The following PRICKLE2 variants were observed in gnomAD, a reference collection of about 807,000 sequenced individuals.
PRICKLE2 encodes the protein prickle planar cell polarity protein 2, also known as prickle-like protein 2.
A neutral mutation model predicts 81.4 loss-of-function variants in PRICKLE2; 21 were observed. The observed-to-expected ratio is 0.26, with a 90% CI of 0.18 to 0.37. The LOEUF is 0.37. PRICKLE2 is among the 10% of genes least tolerant of loss of function. The probability of loss-of-function intolerance (pLI) is 1.00; values close to 1 mark genes in which losing one functional copy is unlikely to be tolerated. For synonymous variants in PRICKLE2, 456 were observed against 421.5 expected (o/e 1.08, Z -1.00); for missense variants, 940 against 1,109.0 (o/e 0.85, Z 2.16).
intron 2 of PRICKLE2, among the ~76,000 whole-genome samples, chr3:64,248,652 A>G (rs1423608331): frequency 6.8e-6 from 1 of 147,456 alleles, no homozygotes; most frequent in Non-Finnish European, 1.5e-5. Context: ...AAACAAAACC[A>G]AAACCAAAAA....
chr3:64,168,234 G>A (rs527643522), intron 2 of PRICKLE2, among the ~76,000 whole-genome samples: 4 of 152,218 alleles, frequency 2.6e-5, no homozygotes, highest in South Asian at 2.1e-4. Flanking sequence ...TTTCTTGGCC[G>A]ATTTCAGAAT....
chr3:64,179,290 G>A (rs1440441976), intron 2 of PRICKLE2, among the ~76,000 whole-genome samples: 1 of 151,920 alleles, frequency 6.6e-6, no homozygotes, highest in Non-Finnish European at 1.5e-5. Context: ...TGGTCAGGCT[G>A]GACTCGAACT....
At chr3:64,119,439 A>G (rs2076991800) in intron 7 of PRICKLE2, among the ~76,000 whole-genome samples, 1 of 152,264 alleles carries the variant, frequency 6.6e-6, no homozygotes, top group South Asian at 2.1e-4. Flanking sequence ...ACGAGCTACC[A>G]ACACACATAG....
At chr3:64,250,921 C>T (rs1295800435) in intron 2 of PRICKLE2, among the ~76,000 whole-genome samples, 1 of 152,142 alleles carries the variant, frequency 6.6e-6, no homozygotes, top group Non-Finnish European at 1.5e-5. Flanking sequence ...TCAATGTGGC[C>T]TTTCCTGACA....
chr3:64,163,176 T>C (rs765686509), intron 2 of PRICKLE2, 47 bp from the exon 3 acceptor site: 2 of 1,124,208 alleles, frequency 1.8e-6, no homozygotes, highest in Non-Finnish European at 2.7e-6. Context: ...ACTCAAACCA[T>C]GTGCCTATTC....
chr3:64,184,668 C>T (rs140196288), intron 2 of PRICKLE2, among the ~76,000 whole-genome samples: 273 of 152,154 alleles, frequency 1.8e-3, no homozygotes, highest in African/African-American at 6.3e-3. Flanking sequence ...GATGGAATCT[C>T]GCTATGCTGC....
intron 7 of PRICKLE2, chr3:64,105,917 A>AT (rs1418393007): frequency 6.6e-6 from 1 of 152,200 alleles, no homozygotes; most frequent in East Asian, 1.9e-4. Flanking sequence ...AGCTGTAGTG[A>AT]TGATTAGATG....
intron 7 of PRICKLE2, among the ~76,000 whole-genome samples, chr3:64,141,083 T>C (rs183685469): frequency 9.8e-5 from 15 of 152,324 alleles, no homozygotes; most frequent in Admixed American, 8.5e-4. Context: ...ATCAGATTTA[T>C]CTCACAGCAT....
At chr3:64,194,313 G>A (rs936286490) in intron 2 of PRICKLE2, 2 of 152,230 alleles carry the variant, frequency 1.3e-5, no homozygotes, top group African/African-American at 4.8e-5. Context: ...CTAGAGCATG[G>A]TAGGTGCTCA....
intron 2 of PRICKLE2, among the ~76,000 whole-genome samples, chr3:64,262,736 G>A (rs2079635256): frequency 6.6e-6 from 1 of 152,210 alleles, no homozygotes; most frequent in Admixed American, 6.5e-5. Flanking sequence ...AGGAGGGAAT[G>A]ATCCACTGGG....
chr3:64,109,829 T>C (rs1038284119), intron 7 of PRICKLE2, among the ~76,000 whole-genome samples: 6 of 152,052 alleles, frequency 3.9e-5, no homozygotes, highest in African/African-American at 1.4e-4. Context: ...GGTTGGGGAG[T>C]GACAAGCATT....
intron 7 of PRICKLE2, chr3:64,102,232 T>G (rs966139272): frequency 4.6e-5 from 7 of 152,170 alleles, no homozygotes; most frequent in African/African-American, 9.7e-5. Flanking sequence ...GGAAACTAAA[T>G]GCTATAAAGT....
intron 2 of PRICKLE2, 22 bp from the exon 3 acceptor site, chr3:64,163,151 G>C (rs1304546858): frequency 7.1e-7 from 1 of 1,408,760 alleles, no homozygotes; most frequent in South Asian, 1.1e-5. Flanking sequence ...AAAGCATATA[G>C]ATGACTTGCC....
At chr3:64,249,174 G>A (rs2079404584) in intron 2 of PRICKLE2, among the ~76,000 whole-genome samples, 1 of 152,084 alleles carries the variant, frequency 6.6e-6, no homozygotes, top group Admixed American at 6.6e-5. Context: ...GGAAACCTCG[G>A]GAAACTTACA....
chr3:64,181,453 AC>A (rs1367397411), intron 2 of PRICKLE2, among the ~76,000 whole-genome samples: 2 of 152,176 alleles, frequency 1.3e-5, no homozygotes, highest in Non-Finnish European at 2.9e-5. Context: ...TTAGCCAACA[AC>A]ATTGCCTTAC....
intron 1 of PRICKLE2, among the ~76,000 whole-genome samples, chr3:64,219,418 C>T (rs534626260): frequency 6.6e-6 from 1 of 152,278 alleles, no homozygotes; most frequent in South Asian, 2.1e-4. Context: ...TCTCTCTGCC[C>T]ACAGCCACAA....
At chr3:64,131,531 G>A (rs1394970295) in intron 7 of PRICKLE2, among the ~76,000 whole-genome samples, 1 of 152,196 alleles carries the variant, frequency 6.6e-6, no homozygotes, top group Non-Finnish European at 1.5e-5. Flanking sequence ...AAGGCTTACT[G>A]TTTACTTAAG....
chr3:64,257,507 G>T (rs1438272806), intron 2 of PRICKLE2, among the ~76,000 whole-genome samples: 1 of 152,192 alleles, frequency 6.6e-6, no homozygotes, highest in East Asian at 1.9e-4. Flanking sequence ...TGGCAGTGGG[G>T]GTGTGAGCAA....
chr3:64,167,325 G>A (rs565587949), intron 2 of PRICKLE2, among the ~76,000 whole-genome samples: 1 of 152,270 alleles, frequency 6.6e-6, no homozygotes, highest in East Asian at 1.9e-4. Flanking sequence ...AAGCACGTCT[G>A]TTGAATGTGC....
Sources: gnomAD v4.1 joint callset for allele counts (sites outside exome capture counted in the v4.1 genomes callset) on GRCh38, gnomAD v4.1.1 for gene constraint, MANE v1.5 for transcripts, NCBI Gene and HGNC (gene_info 2026-07-23, HGNC 2026-07-21) for gene names.